CATSPERT: variants seen among roughly 807,000 people sequenced by gnomAD.
CATSPERT encodes the protein cation channel sperm-associated targeting subunit tau.
chr2:201,499,349 A>T, the CATSPERT span, among the ~76,000 whole-genome samples: 1 of 152,212 alleles, frequency 6.6e-6, no homozygotes, highest in African/African-American at 2.4e-5. Context: ...TAATGTATAT[A>T]AAATACAATT....
the CATSPERT span, among the ~76,000 whole-genome samples, chr2:201,591,562 A>G: frequency 6.6e-6 from 1 of 152,122 alleles, no homozygotes. Flanking sequence ...TTGAATCTGT[A>G]AATTACCTTG....
chr2:201,535,768 A>G, the CATSPERT span: 1 of 1,354,618 alleles, frequency 7.4e-7, no homozygotes, highest in Non-Finnish European at 9.5e-7. Context: ...ATTTATTTGT[A>G]TTTAATTTTT....
chr2:201,530,961 GT>G, the CATSPERT span, among the ~76,000 whole-genome samples: 1,265 of 106,042 alleles, frequency 0.012, 16 homozygotes, highest in African/African-American at 0.037. Context: ...TTTTTTGTGG[GT>G]TTTTTTTTTT....
At chr2:201,594,350 T>C in the CATSPERT span, among the ~76,000 whole-genome samples, 7 of 152,260 alleles carry the variant, frequency 4.6e-5, no homozygotes, top group African/African-American at 7.2e-5. Context: ...AGAGATCCAC[T>C]GTTAGTCTGA....
the CATSPERT span, chr2:201,582,366 C>T: frequency 1.3e-6 from 1 of 774,954 alleles, no homozygotes; most frequent in Non-Finnish European, 1.9e-6. Flanking sequence ...ATATTATTTG[C>T]ATACCTAGTG....
the CATSPERT span, chr2:201,487,810 G>A: frequency 6.2e-7 from 1 of 1,613,962 alleles, no homozygotes; most frequent in African/African-American, 1.3e-5. Flanking sequence ...TATCATCTGA[G>A]CTTTTTCCTA....
the CATSPERT span, chr2:201,545,601 T>A: frequency 1.5e-6 from 2 of 1,305,814 alleles, no homozygotes; most frequent in Non-Finnish European, 2.0e-6. Flanking sequence ...TGTTTTCAGA[T>A]GCCTCATCTA....
the CATSPERT span, among the ~76,000 whole-genome samples, chr2:201,563,276 C>T: frequency 1.4e-5 from 2 of 143,340 alleles, no homozygotes; most frequent in African/African-American, 5.3e-5. Context: ...CGGGCAGAGG[C>T]GCCCCTCACC....
At chr2:201,591,224 C>T in the CATSPERT span, among the ~76,000 whole-genome samples, 1 of 152,136 alleles carries the variant, frequency 6.6e-6, no homozygotes, top group East Asian at 1.9e-4. Flanking sequence ...TTTCCCAGCA[C>T]CATTTATTAA....
chr2:201,595,544 G>A, the CATSPERT span, among the ~76,000 whole-genome samples: 1,246 of 152,058 alleles, frequency 8.2e-3, 70 homozygotes, highest in East Asian at 0.17. Context: ...TGGAGTACTC[G>A]GCCGTGTGAG....
the CATSPERT span, chr2:201,536,173 C>T: frequency 6.2e-7 from 1 of 1,613,442 alleles, no homozygotes; most frequent in Non-Finnish European, 8.5e-7. Flanking sequence ...TTTATTGTTT[C>T]CTGGTTAGAA....
chr2:201,593,231 T>C, the CATSPERT span, among the ~76,000 whole-genome samples: 2 of 151,888 alleles, frequency 1.3e-5, no homozygotes, highest in African/African-American at 4.8e-5. Flanking sequence ...GCCTTCATTT[T>C]GTTATGTACC....
the CATSPERT span, among the ~76,000 whole-genome samples, chr2:201,518,360 G>C: frequency 6.6e-6 from 1 of 152,242 alleles, no homozygotes; most frequent in Non-Finnish European, 1.5e-5. Flanking sequence ...AGCCACTGCT[G>C]CTAGTGGAAA....
At chr2:201,516,243 T>C in the CATSPERT span, among the ~76,000 whole-genome samples, 1 of 152,328 alleles carries the variant, frequency 6.6e-6, no homozygotes, top group East Asian at 1.9e-4. Context: ...CCGTCACATA[T>C]TCAGTGTATT....
chr2:201,611,121 G>A, the CATSPERT span, among the ~76,000 whole-genome samples: 6 of 151,962 alleles, frequency 3.9e-5, no homozygotes, highest in Admixed American at 6.6e-5. Flanking sequence ...GTAATCAGGC[G>A]AGAGAAAAAA....
At chr2:201,499,983 A>G in the CATSPERT span, among the ~76,000 whole-genome samples, 1 of 151,394 alleles carries the variant, frequency 6.6e-6, no homozygotes, top group East Asian at 1.9e-4. Context: ...TTCCCCAAGC[A>G]GTGGTATCCT....
chr2:201,586,461 C>T, the CATSPERT span, among the ~76,000 whole-genome samples: 2 of 151,948 alleles, frequency 1.3e-5, no homozygotes, highest in Admixed American at 1.3e-4. Flanking sequence ...TAAAATGTAA[C>T]AGATGCTACA....
the CATSPERT span, chr2:201,534,597 AC>A: frequency 1.0e-6 from 1 of 983,572 alleles, no homozygotes; most frequent in Non-Finnish European, 1.2e-6. Context: ...AGCAGGGAAA[AC>A]CAAAATGACT....
At chr2:201,610,758 AAT>A in the CATSPERT span, among the ~76,000 whole-genome samples, 2,958 of 151,854 alleles carry the variant, frequency 0.019, 81 homozygotes, top group African/African-American at 0.062. Flanking sequence ...TCAAAAAGAT[AAT>A]ATATATATAT....
Sources: allele counts gnomAD v4.1 joint callset (sites outside exome capture counted in the v4.1 genomes callset), GRCh38; gene constraint gnomAD v4.1.1; transcripts MANE v1.5; gene names NCBI Gene and HGNC (gene_info 2026-07-23, HGNC 2026-07-21).